TRPV1: variants seen among roughly 807,000 people sequenced by gnomAD.
TRPV1 encodes the protein transient receptor potential cation channel subfamily V member 1.
TRPV1 carries 82 observed loss-of-function variants against 82.3 expected under a neutral mutation model. The observed-to-expected ratio is 1.00, with a 90% confidence interval of 0.83 to 1.20. The LOEUF is 1.20. Ranked by LOEUF, TRPV1 falls within the 50% of genes most tolerant of loss-of-function variation. TRPV1 has a pLI of 0.00. For missense variants in TRPV1, 1,067 were observed against 1,096.8 expected, an observed-to-expected ratio of 0.97 and a Z score of 0.38; for synonymous variants, 515 against 467.7, an observed-to-expected ratio of 1.10 and a Z score of -1.30.
In TRPV1 at chr17:3,580,367, G is replaced by A. The variant is rs55871848; in HGVS notation, c.1547+90C>T. Reference sequence around the variant, plus strand: ...AGCATGTTCACTGAGGTCCCACTATGTGCCAGGCCCGGCGTGAGTGAGACC... The same window carrying A: ...AGCATGTTCACTGAGGTCCCACTATATGCCAGGCCCGGCGTGAGTGAGACC... On this transcript the variant is annotated intron_variant, in intron 11 of 16. Transcript: ENST00000572705. 1,175 of 1,335,932 alleles carry A rather than the reference G, an allele frequency of 8.8e-4. 7 individuals carry two copies. The African/African-American group carries it at 0.013, about 14-fold the overall frequency. The allele number at this position is 1,335,932 out of a possible 1,614,324, so 82.8% of individuals were successfully genotyped here.
At chr17:3,598,107 C>T (rs1426179034) in intron 2 of TRPV1, among the ~76,000 whole-genome samples, 1 of 152,262 alleles carries the variant, frequency 6.6e-6, no homozygotes, top group Non-Finnish European at 1.5e-5. Context: ...CTCCCAGACC[C>T]TGGCTGAGAA....
At position 3,571,517 on chromosome 17, in the gene TRPV1, G is replaced by T. The variant is rs201637139; in HGVS notation, c.2347+7C>A. ...GGAGGCGCCAAGCACCGGCCCTCAC[G>T]CCTCACCTCTGCTTGACCGCAGGGA... On this transcript the variant is annotated splice_region_variant and intron_variant, in intron 16 of 16. Transcript: ENST00000572705. 2 of 1,585,394 alleles carry T rather than the reference G, an allele frequency of 1.3e-6. No individual in the cohort carries two copies. Among genetic ancestry groups the T allele is most frequent in the East Asian group, 2.3e-5 (1 of 43,364 alleles).
chr17:3,572,465 T>A (rs985477127), intron 14 of TRPV1, among the ~76,000 whole-genome samples: 1 of 152,124 alleles, frequency 6.6e-6, no homozygotes, highest in African/African-American at 2.4e-5. Flanking sequence ...CCTGTCCAGG[T>A]GCCACTGGTG....
Position 3,594,159 on chromosome 17 carries a change from G to A in TRPV1, c.-33-1776C>T, listed in dbSNP as rs1368506337. Among the ~76,000 whole-genome samples the A allele has an allele frequency of 1.2e-3, 135 of 114,226 alleles. 5 individuals are homozygous for A. The highest frequency in any genetic ancestry group is 8.8e-3 in the African/African-American group (121 of 13,700). The allele number at this position is 114,226 out of a possible 152,430, so 74.9% of individuals were successfully genotyped here. ...AAAAAAAAAAAAAAAAAAAGAAGCA[G>A]CAGCAGCAGCAGCAGCAGCAGCTGC... On this transcript the variant is annotated intron_variant, in intron 2 of 16. Coordinates refer to ENST00000572705, the MANE Select transcript of TRPV1 (RefSeq NM_080704.4).
intron 13 of TRPV1, among the ~76,000 whole-genome samples, chr17:3,576,558 A>G (rs2074930199): frequency 6.6e-6 from 1 of 150,536 alleles, no homozygotes. Flanking sequence ...AGGCTGAGGC[A>G]GGAGAATGGC....
chr17:3,595,092 T>C (rs1035364530), intron 2 of TRPV1, among the ~76,000 whole-genome samples: 2 of 152,006 alleles, frequency 1.3e-5, no homozygotes, highest in African/African-American at 4.8e-5. Context: ...CAAGGACCGT[T>C]CACAGTGCGG....
At chr17:3,576,256 G>A (rs2074926840) in intron 13 of TRPV1, among the ~76,000 whole-genome samples, 2 of 151,804 alleles carry the variant, frequency 1.3e-5, no homozygotes, top group South Asian at 2.1e-4. Flanking sequence ...TGTGGCTCAT[G>A]CCTGTAATCC....
At chr17:3,567,103 A>T in intron 16 of TRPV1, 116 bp from the exon 17 acceptor site, 1 of 1,221,434 alleles carries the variant, frequency 8.2e-7, no homozygotes, top group Non-Finnish European at 1.1e-6. Flanking sequence ...CATGCCTGTA[A>T]TCCCAGCACT....
chr17:3,572,755 G>C (rs2074871413), intron 14 of TRPV1, among the ~76,000 whole-genome samples: 1 of 152,198 alleles, frequency 6.6e-6, no homozygotes, highest in Non-Finnish European at 1.5e-5. Context: ...GGCCAAGGCA[G>C]GCAGATCACC....
intron 13 of TRPV1, among the ~76,000 whole-genome samples, chr17:3,576,463 T>G (rs1358111515): frequency 6.6e-6 from 1 of 151,106 alleles, no homozygotes; most frequent in Non-Finnish European, 1.5e-5. Flanking sequence ...CCATCCTGGC[T>G]AACATGGTGA....
At chr17:3,598,296 A>G (rs998899987) in intron 2 of TRPV1, among the ~76,000 whole-genome samples, 2 of 152,160 alleles carry the variant, frequency 1.3e-5, no homozygotes. Flanking sequence ...CTGACCCCTG[A>G]GTCAAGGCAT....
chr17:3,576,067 A>C (rs941073884), intron 13 of TRPV1, among the ~76,000 whole-genome samples: 1 of 151,868 alleles, frequency 6.6e-6, no homozygotes. Flanking sequence ...AATACAAAAA[A>C]AAAAAATAGC....
intron 13 of TRPV1, among the ~76,000 whole-genome samples, chr17:3,576,483 T>G (rs1449028488): frequency 6.6e-6 from 1 of 150,956 alleles, no homozygotes; most frequent in African/African-American, 2.4e-5. Context: ...AAACCCCATC[T>G]CTACTAAAAA....
At chr17:3,572,386 C>A (rs1485029246) in intron 14 of TRPV1, 137 bp from the exon 15 acceptor site, 18 of 1,094,766 alleles carry the variant, frequency 1.6e-5, no homozygotes, top group Non-Finnish European at 2.3e-5. Flanking sequence ...GTGCCCTCCA[C>A]GCTAGCTTTG....
chr17:3,591,053 G>A lies in TRPV1; in HGVS notation c.515C>T (p.Thr172Ile), dbSNP rs867536409. The A allele has an allele frequency of 1.2e-6, 2 of 1,613,118 alleles. No individual in the cohort carries two copies. The highest frequency in any genetic ancestry group is 8.5e-7 in the Non-Finnish European group (1 of 1,179,634). ...AMLNLHDGQN[T>I]TIPLLLEIAR... Reference sequence around the variant, plus strand: ...GATCTCCAGGAGCAGGGGGATGGTGGTGTTCTGTCCGTCGTGCAGGTTGAG... The same window carrying A: ...GATCTCCAGGAGCAGGGGGATGGTGATGTTCTGTCCGTCGTGCAGGTTGAG... Residue 172 changes from threonine to isoleucine, a missense_variant, in exon 5 of 17, where the codon ACC (threonine) becomes ATC (isoleucine). Transcript: ENST00000572705.
chr17:3,569,906 G>A (rs1330371659), intron 16 of TRPV1, among the ~76,000 whole-genome samples: 2 of 134,718 alleles, frequency 1.5e-5, no homozygotes, highest in Admixed American at 8.2e-5. Context: ...GGGGTTAGGG[G>A]CCAGGGGCCA....
chr17:3,593,351 T>G (rs1204657001), intron 2 of TRPV1, among the ~76,000 whole-genome samples: 4 of 152,132 alleles, frequency 2.6e-5, no homozygotes, highest in African/African-American at 9.7e-5. Flanking sequence ...GTTGGTCTTC[T>G]AGGCCTAAAC....
intron 7 of TRPV1, among the ~76,000 whole-genome samples, chr17:3,589,592 G>C (rs2075127912): frequency 6.6e-6 from 1 of 152,156 alleles, no homozygotes; most frequent in Non-Finnish European, 1.5e-5. Flanking sequence ...GATACTCAGA[G>C]CTGGAAATTC....
At position 3,580,457 on chromosome 17, in the gene TRPV1, A is replaced by G. The variant is rs1340983777; in HGVS notation, c.1547T>C (p.Phe516Ser). The change falls in exon 11 of 17, where the codon TTC becomes TCC. Residue 516 changes from phenylalanine to serine, a missense_variant and splice_region_variant. Physicochemically the swap from Phe to Ser is radical, Grantham distance 155. Coordinates refer to ENST00000572705, the MANE Select transcript of TRPV1 (RefSeq NM_080704.4). ...LFVDSYSEML[F>S]FLQSLFMLAT... ...GGGAATGAGTCAAAGTGTCACTTAC[A>G]AAAGCATCTCACTGTAGCTGTCCAC... 1 of 1,613,938 alleles carries G rather than the reference A, an allele frequency of 6.2e-7. No individual in the cohort carries two copies. The highest frequency in any genetic ancestry group is 1.3e-5 in the African/African-American group (1 of 74,944).
Sources: gnomAD v4.1 joint callset for allele counts (sites outside exome capture counted in the v4.1 genomes callset) on GRCh38, gnomAD v4.1.1 for gene constraint, MANE v1.5 for transcripts, NCBI Gene and HGNC (gene_info 2026-07-23, HGNC 2026-07-21) for gene names.